Variants in HCK observed in about 807,000 individuals in gnomAD.
HCK encodes tyrosine-protein kinase HCK.
Under a neutral mutation model 70.4 loss-of-function variants are expected in HCK, and 40 were observed. The ratio of observed to expected loss-of-function variants is 0.57; its 90% CI spans 0.44 to 0.74. The LOEUF (loss-of-function observed/expected upper bound fraction) is 0.74, where lower values mean the gene tolerates loss of function less well. Ranked by LOEUF, HCK falls within the 30% of genes least tolerant of loss-of-function variation. The probability of loss-of-function intolerance (pLI) is 0.00; values close to 1 mark genes in which losing one functional copy is unlikely to be tolerated. For missense variants in HCK, 568 were observed against 697.2 expected (o/e 0.81, Z 2.09); for synonymous variants, 245 against 263.2 (o/e 0.93, Z 0.67).
chr20:32,094,075 A>G lies in HCK; in HGVS notation c.1246+59A>G, dbSNP rs1031073887. The stretch of plus-strand genomic sequence containing the variant: ...CATTTGGATGCTTGTGAGTGTTGAG[A>G]GTTGATACTTGTGAGAGCGATTGGT... On this transcript the variant is annotated intron_variant, in intron 11 of 12. Transcript: ENST00000375852. The G allele has an allele frequency of 2.6e-6, 4 of 1,527,342 alleles. No homozygotes were observed. In the Admixed American group the frequency reaches 5.6e-5, roughly 21 times the overall value. 94.6% of individuals were successfully genotyped at this position (1,527,342 alleles called of 1,614,324 possible). A position where few individuals can be genotyped will look rare whatever the true frequency, so the allele number is the denominator to read the frequency against.
Position 32,100,842 on chromosome 20 carries a change from A to C in HCK, c.1379-475A>C, listed in dbSNP as rs1352137997. Among the ~76,000 whole-genome samples the C allele has an allele frequency of 2.0e-5, 3 of 152,228 alleles. No individual in the cohort carries two copies. In the East Asian group the frequency reaches 5.8e-4, roughly 29 times the overall value. ...AATCCATTAGGATGTGTTCCACAGC[A>C]AGCAACAAAATAACAGACAAAGAGT... On this transcript the variant is annotated intron_variant, in intron 12 of 12. Transcript: ENST00000375852.
intron 1 of HCK, among the ~76,000 whole-genome samples, chr20:32,066,771 G>A (rs1039472138): frequency 2.6e-5 from 4 of 152,220 alleles, no homozygotes; most frequent in African/African-American, 9.6e-5. Context: ...AGGAAGCTCA[G>A]AGATAAATCT....
At chr20:32,067,731 C>A (rs2122509318) in intron 1 of HCK, among the ~76,000 whole-genome samples, 1 of 152,086 alleles carries the variant, frequency 6.6e-6, no homozygotes. Context: ...GTGATGGGAG[C>A]ATTCTGTCTC....
chr20:32,067,688 G>T (rs780838582), intron 1 of HCK, among the ~76,000 whole-genome samples: 2 of 151,984 alleles, frequency 1.3e-5, no homozygotes, highest in Non-Finnish European at 1.5e-5. Context: ...ACTGAGGAAC[G>T]CAGGTGTGAG....
At chr20:32,083,412 C>T (rs1280275321) in intron 6 of HCK, among the ~76,000 whole-genome samples, 1 of 152,020 alleles carries the variant, frequency 6.6e-6, no homozygotes, top group Non-Finnish European at 1.5e-5. Flanking sequence ...GGGTTTTTTT[C>T]CAGAAAAGTC....
In HCK at chr20:32,073,756, C is replaced by T. The variant is rs560436282; in HGVS notation, c.267C>T (p.Tyr89=). Residue 89 remains tyrosine (Y), a synonymous_variant, in exon 4 of 13, where the codon TAC becomes TAT. Coordinates refer to ENST00000375852, the MANE Select transcript of HCK (RefSeq NM_002110.5). ...TCATCGTGGTTGCCCTGTATGATTA[C>T]GAGGCCATTCACCACGAAGACCTCA... 4.5e-5 allele frequency: 70 copies of T among 1,558,126 alleles called. No individual in the cohort carries two copies. The East Asian group carries it at 1.1e-3, about 23-fold the overall frequency.
chr20:32,062,350 T>C (rs1019728593), intron 1 of HCK, among the ~76,000 whole-genome samples: 3 of 152,236 alleles, frequency 2.0e-5, no homozygotes, highest in African/African-American at 4.8e-5. Context: ...CCCTGCCTCC[T>C]GCCTGCCTTA....
intron 1 of HCK, chr20:32,069,544 AC>A: frequency 2.8e-6 from 1 of 362,534 alleles, no homozygotes; most frequent in South Asian, 2.1e-5. Flanking sequence ...ACTGTAATAC[AC>A]ATTTATCTCA....
chr20:32,096,749 G>A (rs2045961902), intron 11 of HCK, among the ~76,000 whole-genome samples: 1 of 151,988 alleles, frequency 6.6e-6, no homozygotes. Context: ...TGATCCTCCT[G>A]CCTCAGGCTC....
intron 3 of HCK, 90 bp downstream of exon 3, chr20:32,073,451 C>A: frequency 1.7e-6 from 2 of 1,158,752 alleles, no homozygotes; most frequent in Non-Finnish European, 1.3e-6. Context: ...AAATCCCAAA[C>A]AGTCAAACCC....
chr20:32,080,245 C>G (rs1049193502), intron 6 of HCK, among the ~76,000 whole-genome samples: 1 of 152,210 alleles, frequency 6.6e-6, no homozygotes, highest in African/African-American at 2.4e-5. Flanking sequence ...TGTCGCCAGG[C>G]TGGAGTGCAG....
At chr20:32,070,935 GGAA>G (rs1457473905) in intron 1 of HCK, among the ~76,000 whole-genome samples, 1 of 132,622 alleles carries the variant, frequency 7.5e-6, no homozygotes, top group African/African-American at 2.8e-5. Context: ...GAGGAGGAGG[GGAA>G]GGAGGAGGAG....
rs373562575 is a variant in HCK, at chr20:32,066,968, TTATC to T, written c.63-4690_63-4687del. Among the ~76,000 whole-genome samples, 25 of 152,338 alleles carry T rather than the reference TTATC, an allele frequency of 1.6e-4. No homozygotes were observed. In the East Asian group the frequency reaches 3.9e-3, roughly 23 times the overall value. On this transcript the variant is annotated intron_variant, in intron 1 of 12. Coordinates refer to ENST00000375852, the MANE Select transcript of HCK (RefSeq NM_002110.5). Reference sequence around the variant, plus strand: ...AGTATTCTTGACTTTCCCCCAATCTTTATCTATTCAGATCCTCCCTGTTCTTCAA... The same window carrying T: ...AGTATTCTTGACTTTCCCCCAATCTTTATTCAGATCCTCCCTGTTCTTCAA...
intron 6 of HCK, among the ~76,000 whole-genome samples, chr20:32,082,394 C>A (rs1227067203): frequency 6.6e-6 from 1 of 152,118 alleles, no homozygotes; most frequent in Non-Finnish European, 1.5e-5. Context: ...GTAATCCCAG[C>A]AGTTTGGGAG....
At chr20:32,061,433 T>C (rs2045374787) in intron 1 of HCK, among the ~76,000 whole-genome samples, 1 of 152,198 alleles carries the variant, frequency 6.6e-6, no homozygotes, top group African/African-American at 2.4e-5. Flanking sequence ...GTGATGGACT[T>C]CAGAGCACAG....
At chr20:32,090,763 C>T (rs1433500169) in intron 10 of HCK, among the ~76,000 whole-genome samples, 3 of 152,160 alleles carry the variant, frequency 2.0e-5, no homozygotes, top group Non-Finnish European at 4.4e-5. Flanking sequence ...TAAACCTACT[C>T]GTTATTCATT....
intron 5 of HCK, among the ~76,000 whole-genome samples, chr20:32,078,856 CAA>C (rs368194350): frequency 1.5e-3 from 56 of 36,208 alleles, no homozygotes; most frequent in Non-Finnish European, 1.6e-3. Flanking sequence ...GACTCAGTCT[CAA>C]AAAAAAAAAA....
intron 1 of HCK, among the ~76,000 whole-genome samples, chr20:32,061,491 G>T (rs2045375663): frequency 6.6e-6 from 1 of 152,182 alleles, no homozygotes; most frequent in Admixed American, 6.5e-5. Flanking sequence ...TGCAGTTGGA[G>T]ATCTGAGAGG....
intron 1 of HCK, among the ~76,000 whole-genome samples, chr20:32,070,182 T>G (rs1316648102): frequency 6.6e-6 from 1 of 152,110 alleles, no homozygotes; most frequent in African/African-American, 2.4e-5. Context: ...TGGGCCACCA[T>G]CATCTCATAC....
Sources: allele counts gnomAD v4.1 joint callset (sites outside exome capture counted in the v4.1 genomes callset), GRCh38; gene constraint gnomAD v4.1.1; transcripts MANE v1.5; gene names NCBI Gene and HGNC (gene_info 2026-07-23, HGNC 2026-07-21).